The following CFAP47 variants were observed in gnomAD, a reference collection of about 807,000 sequenced individuals.
CFAP47 encodes the protein cilia and flagella associated protein 47.
CFAP47 carries 29 observed loss-of-function variants against 148.1 expected under a neutral mutation model. The observed-to-expected ratio is 0.20, with a 90% CI of 0.15 to 0.27. The LOEUF is 0.27. CFAP47 is among the 10% of genes least tolerant of loss of function. The pLI is 1.00. For synonymous variants in CFAP47, 664 were observed against 577.3 expected, an observed-to-expected ratio of 1.15 and a Z score of -2.15; for missense variants, 1,872 against 1,697.5, an observed-to-expected ratio of 1.10 and a Z score of -1.81.
At chrX:36,059,051 A>C (rs1199827377) in intron 26 of CFAP47, among the ~76,000 whole-genome samples, 1 of 112,466 alleles carries the variant, frequency 8.9e-6, no homozygotes, top group East Asian at 2.8e-4. Context: ...TATTTCTATC[A>C]GAGGAAGTTT....
intron 46 of CFAP47, among the ~76,000 whole-genome samples, chrX:36,234,666 G>T (rs868984884): frequency 8.9e-6 from 1 of 112,149 alleles, no homozygotes; most frequent in African/African-American, 3.2e-5. Context: ...GAGGAGCTGC[G>T]TTCCTTTGGA....
chrX:36,153,518 T>C (rs769817784), intron 37 of CFAP47, among the ~76,000 whole-genome samples: 1 of 112,042 alleles, frequency 8.9e-6, no homozygotes, highest in South Asian at 3.7e-4. Flanking sequence ...CTTGCTCCAA[T>C]GTCTCTACTG....
At chrX:36,332,941 T>A in intron 57 of CFAP47, among the ~76,000 whole-genome samples, 1 of 111,602 alleles carries the variant, frequency 9.0e-6, no homozygotes, top group Non-Finnish European at 1.9e-5. Flanking sequence ...GTAATTAGAG[T>A]GTGTTGAATA....
At chrX:36,142,477 G>T (rs941203147) in intron 35 of CFAP47, among the ~76,000 whole-genome samples, 2 of 111,214 alleles carry the variant, frequency 1.8e-5, no homozygotes, top group Admixed American at 1.9e-4. Context: ...TCTATGTAGC[G>T]AAAATAATGA....
intron 28 of CFAP47, among the ~76,000 whole-genome samples, chrX:36,072,580 A>G (rs1937775724): frequency 1.8e-5 from 2 of 112,243 alleles, no homozygotes. Context: ...ACCAAACCAA[A>G]TTAAATAATA....
At chrX:36,241,632 G>A (rs1480036358) in intron 48 of CFAP47, among the ~76,000 whole-genome samples, 1 of 111,860 alleles carries the variant, frequency 8.9e-6, no homozygotes, top group Admixed American at 9.4e-5. Flanking sequence ...TGATGCCTTA[G>A]GGTTGCATCA....
intron 49 of CFAP47, among the ~76,000 whole-genome samples, chrX:36,254,246 C>A (rs1602071518): frequency 9.0e-6 from 1 of 111,282 alleles, no homozygotes; most frequent in South Asian, 3.8e-4. Context: ...GTTGGGGAAA[C>A]TTTCCAGCAG....
rs1212355020 is a variant in CFAP47 at position 35,989,308 on chromosome X, A to G, written c.2714-11A>G. On this transcript the variant is annotated splice_polypyrimidine_tract_variant and intron_variant, in intron 15 of 63. Coordinates refer to ENST00000378653, the MANE Select transcript of CFAP47 (RefSeq NM_001304548.2). ...GGAAAATGTCTTATTTTCTCTCTAC[A>G]TTTTCCGTAGGCACTGTTGAAGCAT... 8.6e-7 allele frequency: 1 copy of G among 1,167,640 alleles called. No homozygotes were observed. Among genetic ancestry groups the G allele is most frequent in the Non-Finnish European group, 1.2e-6 (1 of 858,968 alleles).
At chrX:36,357,298 G>T (rs1468112498) in intron 60 of CFAP47, among the ~76,000 whole-genome samples, 1 of 111,774 alleles carries the variant, frequency 8.9e-6, no homozygotes, top group Non-Finnish European at 1.9e-5. Context: ...ATAAGTAGGA[G>T]ATAAGAATTC....
At chrX:35,967,859 A>G (rs770652351) in intron 10 of CFAP47, 27 bp downstream of exon 10, 42 of 1,098,851 alleles carry the variant, frequency 3.8e-5, no homozygotes, top group Non-Finnish European at 5.2e-5. Flanking sequence ...AAACCCTGAA[A>G]TTTGGAAAAG....
At chrX:36,013,445 T>G (rs901263110) in intron 21 of CFAP47, among the ~76,000 whole-genome samples, 3 of 111,848 alleles carry the variant, frequency 2.7e-5, no homozygotes, top group Non-Finnish European at 3.8e-5. Context: ...CTTTCGGATA[T>G]ATGAACAATT....
At position 36,159,542 on chromosome X, in the gene CFAP47, C is replaced by T. The variant is rs1939405690; in HGVS notation, c.5903C>T (p.Ala1968Val). 3.4e-6 allele frequency: 1 copy of T among 295,525 alleles called. No homozygotes were observed. The highest frequency in any genetic ancestry group is 2.7e-5 in the African/African-American group (1 of 36,501). The allele number at this position is 295,525 out of a possible 1,213,427, so 24.4% of individuals were successfully genotyped here. The change falls in exon 38 of 64, where the codon GCT becomes GTT. Residue 1968 changes from alanine (A) to valine (V), a missense_variant. Coordinates refer to ENST00000378653, the MANE Select transcript of CFAP47 (RefSeq NM_001304548.2). ...NAVRGITMTF[A>V]LKGKVLDFKA... Reference sequence around the variant, plus strand: ...GTAAGAGGAATTACAATGACTTTTGCTCTTAAAGGCAAAGTCCTCGATTTT... The same window carrying T: ...GTAAGAGGAATTACAATGACTTTTGTTCTTAAAGGCAAAGTCCTCGATTTT...
intron 23 of CFAP47, among the ~76,000 whole-genome samples, chrX:36,032,231 C>T (rs1045985520): frequency 2.7e-5 from 3 of 109,620 alleles, no homozygotes; most frequent in Non-Finnish European, 3.8e-5. Context: ...TTTATTCAAT[C>T]GATGTAAGCA....
At chrX:36,154,851 C>G (rs1229865625) in intron 37 of CFAP47, among the ~76,000 whole-genome samples, 2 of 109,243 alleles carry the variant, frequency 1.8e-5, no homozygotes, top group African/African-American at 6.7e-5. Context: ...CTACCTATTA[C>G]CCAGTTCCAA....
At chrX:36,370,730 T>C (rs782584851) in intron 62 of CFAP47, among the ~76,000 whole-genome samples, 4 of 110,939 alleles carry the variant, frequency 3.6e-5, no homozygotes, top group African/African-American at 1.3e-4. Flanking sequence ...GAGGGGCGTA[T>C]ATGAAAAAAA....
In CFAP47 at chrX:36,038,551, T is replaced by C. The variant is rs1343013561; in HGVS notation, c.3812-433T>C. On this transcript the variant is annotated intron_variant, in intron 24 of 63. Coordinates refer to ENST00000378653, the MANE Select transcript of CFAP47 (RefSeq NM_001304548.2). ...ACTTAAAAATTTGGGATACAGCACA[T>C]TCCTTTCATCTCAGGACCTCCTTTT... is the stretch of plus-strand genomic sequence containing the variant. Among the ~76,000 whole-genome samples the C allele has an allele frequency of 1.3e-4, 15 of 111,999 alleles. No individual in the cohort carries two copies. In the Admixed American group the frequency reaches 1.4e-3, roughly 11 times the overall value.
intron 21 of CFAP47, among the ~76,000 whole-genome samples, chrX:36,002,444 TG>T (rs1334938053): frequency 4.0e-4 from 44 of 111,038 alleles, no homozygotes; most frequent in African/African-American, 1.4e-3. Flanking sequence ...AAAATTAGTG[TG>T]GTGGCAGGCG....
chrX:36,383,684 G>A (rs1300203394), intron 63 of CFAP47, among the ~76,000 whole-genome samples: 1 of 111,231 alleles, frequency 9.0e-6, no homozygotes, highest in East Asian at 2.8e-4. Context: ...TATTAAGAAT[G>A]TATTGTTGTG....
rs1446803750 is a variant in CFAP47, at chrX:36,303,924, T to C, written c.8046T>C (p.Pro2682=). 1.8e-6 allele frequency: 2 copies of C among 1,128,436 alleles called. No individual in the cohort carries two copies. Among genetic ancestry groups the C allele is most frequent in the African/African-American group, 3.7e-5 (2 of 54,493 alleles). 93.0% of individuals were successfully genotyped at this position (1,128,436 alleles called of 1,213,427 possible). Residue 2682 remains proline, a synonymous_variant, in exon 54 of 64, where the codon CCT becomes CCC. Transcript: ENST00000378653. ...TLKLQVTNSN[P]ENFVLDINRK... The stretch of plus-strand genomic sequence containing the variant: ...AATTGCAAGTAACAAACAGTAATCC[T>C]GAAAATTTTGTCCTGGATATTAACA...
Sources: gnomAD v4.1 joint callset for allele counts (sites outside exome capture counted in the v4.1 genomes callset) on GRCh38, gnomAD v4.1.1 for gene constraint, MANE v1.5 for transcripts, NCBI Gene and HGNC (gene_info 2026-07-23, HGNC 2026-07-21) for gene names.